The following GLIS3 variants were observed in gnomAD, a reference collection of about 807,000 sequenced individuals.
GLIS3 encodes zinc finger protein GLIS3.
A neutral mutation model predicts 78.6 loss-of-function variants in GLIS3; 53 were observed. That is an observed-to-expected ratio of 0.67 (90% CI 0.54 to 0.85). The LOEUF (loss-of-function observed/expected upper bound fraction) is 0.85, where lower values mean the gene tolerates loss of function less well. Ranked by LOEUF, GLIS3 falls within the 40% of genes least tolerant of loss-of-function variation. The pLI is 0.00. For missense variants in GLIS3, 1,703 were observed against 1,231.1 expected (o/e 1.38, Z -5.74); for synonymous variants, 684 against 509.9 (o/e 1.34, Z -4.60).
intron 2 of GLIS3, among the ~76,000 whole-genome samples, chr9:4,248,106 T>G (rs775404993): frequency 1.3e-5 from 2 of 152,212 alleles, no homozygotes; most frequent in East Asian, 3.8e-4. Context: ...TTTCTTATTA[T>G]ACTTTAAGTT....
intron 2 of GLIS3, among the ~76,000 whole-genome samples, chr9:4,255,367 C>T (rs905141107): frequency 2.0e-5 from 3 of 152,094 alleles, no homozygotes; most frequent in Non-Finnish European, 2.9e-5. Flanking sequence ...CTTGGTATCA[C>T]CCAAAGGAGT....
intron 4 of GLIS3, among the ~76,000 whole-genome samples, chr9:4,025,880 A>C (rs568835149): frequency 6.6e-6 from 1 of 152,300 alleles, no homozygotes; most frequent in Non-Finnish European, 1.5e-5. Context: ...TTATAAATGA[A>C]ATAGCTCTCT....
intron 4 of GLIS3, among the ~76,000 whole-genome samples, chr9:4,013,031 C>A (rs1225637743): frequency 6.6e-6 from 1 of 152,066 alleles, no homozygotes; most frequent in African/African-American, 2.4e-5. Context: ...CCTCAGCCTC[C>A]CAAAGTGCTG....
At chr9:4,257,595 A>G (rs2129965624) in intron 2 of GLIS3, among the ~76,000 whole-genome samples, 1 of 34,262 alleles carries the variant, frequency 2.9e-5, no homozygotes, top group South Asian at 1.7e-3. Context: ...ATTTTTTGAG[A>G]CGGAGTCTCG....
At chr9:4,109,371 T>C (rs979081732) in intron 4 of GLIS3, among the ~76,000 whole-genome samples, 8 of 152,194 alleles carry the variant, frequency 5.3e-5, no homozygotes, top group Admixed American at 6.5e-5. Flanking sequence ...TCAAATAACT[T>C]TGGTCTCTAG....
At chr9:4,165,549 C>A (rs1256251080) in intron 2 of GLIS3, among the ~76,000 whole-genome samples, 1 of 152,168 alleles carries the variant, frequency 6.6e-6, no homozygotes, top group Non-Finnish European at 1.5e-5. Context: ...TTCTACTATC[C>A]AGACCCATAC....
At chr9:4,239,717 T>A (rs1481585247) in intron 2 of GLIS3, among the ~76,000 whole-genome samples, 1 of 152,214 alleles carries the variant, frequency 6.6e-6, no homozygotes, top group Non-Finnish European at 1.5e-5. Flanking sequence ...TTAGATTGCA[T>A]CTAGGACACT....
At chr9:4,436,810 CAAAAAAAAAAAAAAAA>C in the GLIS3 span, among the ~76,000 whole-genome samples, 1 of 53,574 alleles carries the variant, frequency 1.9e-5, no homozygotes, top group Admixed American at 2.8e-4. Context: ...GACTGCATCT[CAAAAAAAAAAAAAAAA>C]AAAAAAAAAA....
intron 2 of GLIS3, among the ~76,000 whole-genome samples, chr9:4,139,322 T>C (rs1833631957): frequency 6.6e-6 from 1 of 152,132 alleles, no homozygotes. Context: ...TCACCAAATA[T>C]CTGTTGGATG....
At chr9:4,091,767 T>G (rs1356584622) in intron 4 of GLIS3, among the ~76,000 whole-genome samples, 1 of 152,204 alleles carries the variant, frequency 6.6e-6, no homozygotes, top group Non-Finnish European at 1.5e-5. Flanking sequence ...TCCCCAGCCC[T>G]GCGGAACCCC....
In GLIS3 at chr9:4,080,485, T is replaced by G. The variant is rs1475718316; in HGVS notation, c.1710+37283A>C. Among the ~76,000 whole-genome samples, 4 of 152,182 alleles carry G rather than the reference T, an allele frequency of 2.6e-5. No homozygotes were observed. The East Asian group carries it at 7.7e-4, about 29-fold the overall frequency. ...AAAATTTTAAATAAAGACAAGATGA[T>G]TTAATACTGCCCTGTTGTGCCATAC... On this transcript the variant is annotated intron_variant, in intron 4 of 10. Coordinates refer to ENST00000381971, the MANE Select transcript of GLIS3 (RefSeq NM_001042413.2).
At chr9:4,254,531 C>T (rs1824722763) in intron 2 of GLIS3, among the ~76,000 whole-genome samples, 1 of 152,138 alleles carries the variant, frequency 6.6e-6, no homozygotes. Context: ...AGAGCTAAAA[C>T]ATTTTGGGAA....
the GLIS3 span, among the ~76,000 whole-genome samples, chr9:4,422,928 G>C: frequency 6.6e-6 from 1 of 152,216 alleles, no homozygotes; most frequent in Non-Finnish European, 1.5e-5. Context: ...TTCTTAAACA[G>C]TGGTCATTGT....
intron 2 of GLIS3, among the ~76,000 whole-genome samples, chr9:4,282,297 A>G (rs1264588706): frequency 6.6e-6 from 1 of 152,180 alleles, no homozygotes; most frequent in Admixed American, 6.5e-5. Context: ...TGGTGCCCCA[A>G]TATTAGGTCC....
chr9:4,138,536 G>T (rs1312658092), intron 2 of GLIS3, among the ~76,000 whole-genome samples: 1 of 152,166 alleles, frequency 6.6e-6, no homozygotes, highest in African/African-American at 2.4e-5. Context: ...AGGAGAGGGG[G>T]CAATATGAAG....
At chr9:4,274,234 A>G (rs926834996) in intron 2 of GLIS3, among the ~76,000 whole-genome samples, 1 of 152,226 alleles carries the variant, frequency 6.6e-6, no homozygotes, top group African/African-American at 2.4e-5. Flanking sequence ...GTACACTTGC[A>G]AGGTCAGTTA....
chr9:4,047,882 C>T (rs924755958), intron 4 of GLIS3, among the ~76,000 whole-genome samples: 5 of 152,176 alleles, frequency 3.3e-5, no homozygotes, highest in Admixed American at 2.0e-4. Flanking sequence ...TAGGCAAGGC[C>T]AGTAAACTTT....
chr9:4,090,049 T>G (rs1251742973), intron 4 of GLIS3, among the ~76,000 whole-genome samples: 1 of 152,218 alleles, frequency 6.6e-6, no homozygotes, highest in Non-Finnish European at 1.5e-5. Context: ...TTGTCCTGCC[T>G]GGGCTCACAG....
the GLIS3 span, among the ~76,000 whole-genome samples, chr9:4,419,729 G>C: frequency 2.0e-5 from 3 of 152,042 alleles, no homozygotes; most frequent in Admixed American, 6.6e-5. Flanking sequence ...GCAGTGAGCC[G>C]AGATCACGCC....
Sources: allele counts gnomAD v4.1 joint callset (sites outside exome capture counted in the v4.1 genomes callset), GRCh38; gene constraint gnomAD v4.1.1; transcripts MANE v1.5; gene names NCBI Gene and HGNC (gene_info 2026-07-23, HGNC 2026-07-21).